The following NEK6 variants were observed in gnomAD, a reference collection of about 807,000 sequenced individuals.
NEK6 encodes serine/threonine-protein kinase Nek6.
NEK6 carries 27 observed loss-of-function variants against 43.5 expected under a neutral mutation model. The observed-to-expected ratio is 0.62, with a 90% CI of 0.46 to 0.86. The LOEUF is 0.86. Among genes scored for constraint, NEK6 ranks in the 40% least tolerant of loss-of-function variants. The pLI is 0.00. For synonymous variants in NEK6, 167 were observed against 164.1 expected (o/e 1.02, Z -0.14); for missense variants, 318 against 414.4 (o/e 0.77, Z 2.02).
chr9:124,313,345 T>TA lies in NEK6; in HGVS notation c.232-578_232-577insA, dbSNP rs773732546. Among the ~76,000 whole-genome samples the TA allele has an allele frequency of 2.0e-5, 3 of 150,002 alleles. No individual in the cohort carries two copies. In the East Asian group the frequency reaches 5.8e-4, roughly 29 times the overall value. ...TGGAGGAGTAGCAGGGTCCTCTCTGTCCAAAAAAGGACCAGTTTCTCTCTT... is the reference window on the plus strand; with the variant it reads ...TGGAGGAGTAGCAGGGTCCTCTCTGTACCAAAAAAGGACCAGTTTCTCTCTT... On this transcript the variant is annotated intron_variant, in intron 3 of 9. Coordinates refer to ENST00000320246, the MANE Select transcript of NEK6 (RefSeq NM_014397.6).
intron 1 of NEK6, among the ~76,000 whole-genome samples, chr9:124,265,177 C>G (rs1038709206): frequency 4.6e-5 from 7 of 152,076 alleles, no homozygotes; most frequent in African/African-American, 1.4e-4. Flanking sequence ...GTAATACATC[C>G]CATCCAGCGG....
At chr9:124,303,482 A>G (rs1294936071) in intron 2 of NEK6, among the ~76,000 whole-genome samples, 2 of 152,226 alleles carry the variant, frequency 1.3e-5, no homozygotes, top group East Asian at 3.8e-4. Context: ...ATTATCACCA[A>G]GCCATGCTCC....
intron 9 of NEK6, among the ~76,000 whole-genome samples, chr9:124,348,886 G>C (rs1180446175): frequency 6.6e-6 from 1 of 152,266 alleles, no homozygotes; most frequent in Non-Finnish European, 1.5e-5. Flanking sequence ...GACAGACACA[G>C]GCAAGTTAAA....
chr9:124,348,765 C>T (rs1830095769), intron 9 of NEK6, among the ~76,000 whole-genome samples: 1 of 152,248 alleles, frequency 6.6e-6, no homozygotes, highest in Non-Finnish European at 1.5e-5. Flanking sequence ...AGTCTGGGGC[C>T]TCCGTGGGCC....
chr9:124,345,844 G>A (rs1420227621), intron 8 of NEK6, among the ~76,000 whole-genome samples: 4 of 152,208 alleles, frequency 2.6e-5, no homozygotes, highest in Non-Finnish European at 2.9e-5. Context: ...GAAAATGCCC[G>A]ATTAACCCTT....
At chr9:124,338,023 T>G in intron 7 of NEK6, among the ~76,000 whole-genome samples, 1 of 152,218 alleles carries the variant, frequency 6.6e-6, no homozygotes. Context: ...CTCTCTCACC[T>G]GGGCTGGAGT....
chr9:124,294,527 C>T (rs1481077164), intron 1 of NEK6, among the ~76,000 whole-genome samples: 1 of 149,034 alleles, frequency 6.7e-6, no homozygotes, highest in African/African-American at 2.5e-5. Flanking sequence ...GAAGGAGGGT[C>T]GAGAGATCTG....
intron 1 of NEK6, chr9:124,258,484 G>C (rs1024973502): frequency 1.6e-5 from 5 of 313,300 alleles, no homozygotes; most frequent in African/African-American, 1.1e-4. Flanking sequence ...GTGTGTGTGT[G>C]CACGTGTGTG....
intron 1 of NEK6, among the ~76,000 whole-genome samples, chr9:124,271,228 C>T (rs1055571303): frequency 8.5e-5 from 13 of 152,264 alleles, no homozygotes; most frequent in African/African-American, 1.9e-4. Flanking sequence ...CTCTGACTTC[C>T]GCTCCTTGAG....
chr9:124,351,722 G>C lies in NEK6; in HGVS notation c.*775G>C, dbSNP rs1054896579. On this transcript the variant is annotated 3_prime_UTR_variant, in exon 10 of 10. Transcript: ENST00000320246. Reference sequence around the variant, plus strand: ...AAGCATGGGATATAGAAAAGCGAAGGGCTGTCCTTTACAAATTCTGGTTCT... The same window carrying C: ...AAGCATGGGATATAGAAAAGCGAAGCGCTGTCCTTTACAAATTCTGGTTCT... 6.6e-6 allele frequency: 1 copy of C among 152,144 alleles called. No homozygotes were observed. The highest frequency in any genetic ancestry group is 2.4e-5 in the African/African-American group (1 of 41,422). The allele number at this position is 152,144 out of a possible 1,614,324, so 9.4% of individuals were successfully genotyped here. A position where few individuals can be genotyped will look rare whatever the true frequency, so the allele number is the denominator to read the frequency against.
intron 7 of NEK6, among the ~76,000 whole-genome samples, chr9:124,328,821 G>A (rs1828814310): frequency 1.3e-5 from 2 of 152,200 alleles, no homozygotes; most frequent in Non-Finnish European, 2.9e-5. Context: ...GCGGGGAGGG[G>A]GTTGTTTTGA....
chr9:124,345,625 T>C (rs1180653263), intron 8 of NEK6, among the ~76,000 whole-genome samples: 2 of 152,120 alleles, frequency 1.3e-5, no homozygotes, highest in Non-Finnish European at 2.9e-5. Flanking sequence ...AAGTTGAAGA[T>C]CGGCTGATTC....
chr9:124,347,005 G>C (rs894441421), intron 8 of NEK6, among the ~76,000 whole-genome samples: 3 of 152,244 alleles, frequency 2.0e-5, no homozygotes, highest in Non-Finnish European at 4.4e-5. Context: ...GAGACACAGC[G>C]AGTGCAGAGC....
intron 5 of NEK6, among the ~76,000 whole-genome samples, chr9:124,325,055 A>T (rs948077462): frequency 2.0e-5 from 3 of 152,110 alleles, no homozygotes; most frequent in African/African-American, 2.4e-5. Flanking sequence ...CACACCTGTA[A>T]TCCCAGCTAC....
chr9:124,347,567 T>G, intron 8 of NEK6, 142 bp from the exon 9 acceptor site: 1 of 538,034 alleles, frequency 1.9e-6, no homozygotes, highest in Non-Finnish European at 3.3e-6. Flanking sequence ...GCTCGGTGAT[T>G]CGGGGGAGAA....
At chr9:124,300,879 G>C (rs1044048756) in intron 1 of NEK6, among the ~76,000 whole-genome samples, 1 of 152,224 alleles carries the variant, frequency 6.6e-6, no homozygotes, top group African/African-American at 2.4e-5. Flanking sequence ...AGGCCTCAAG[G>C]GGTTCTGCCT....
rs1273193621 is a variant in NEK6 at position 124,351,822 on chromosome 9, A to G, written c.*875A>G. The G allele has an allele frequency of 6.6e-6, 1 of 152,212 alleles. No homozygotes were observed. Among genetic ancestry groups the G allele is most frequent in the African/African-American group, 2.4e-5 (1 of 41,438 alleles). The allele number at this position is 152,212 out of a possible 1,614,324, so 9.4% of individuals were successfully genotyped here. ...GAGCCTTCATTTCCTCATCTGTACAATGAGATTAATAGTACCTATCATCTA... is the reference window on the plus strand; with the variant it reads ...GAGCCTTCATTTCCTCATCTGTACAGTGAGATTAATAGTACCTATCATCTA... On this transcript the variant is annotated 3_prime_UTR_variant, in exon 10 of 10. Coordinates refer to ENST00000320246, the MANE Select transcript of NEK6 (RefSeq NM_014397.6).
intron 1 of NEK6, chr9:124,260,969 C>T (rs1261386628): frequency 6.6e-6 from 1 of 152,294 alleles, no homozygotes; most frequent in East Asian, 1.9e-4. Context: ...CTGGCCTGTG[C>T]TGAGGTTCAG....
chr9:124,259,806 C>G (rs1564608816), intron 1 of NEK6, among the ~76,000 whole-genome samples: 2 of 152,178 alleles, frequency 1.3e-5, no homozygotes, highest in Admixed American at 1.3e-4. Context: ...TCGGAAATGA[C>G]TAAAAAGTAG....
Sources: allele counts gnomAD v4.1 joint callset (sites outside exome capture counted in the v4.1 genomes callset), GRCh38; gene constraint gnomAD v4.1.1; transcripts MANE v1.5; gene names NCBI Gene and HGNC (gene_info 2026-07-23, HGNC 2026-07-21).